DLGAP2: variants seen among roughly 807,000 people sequenced by gnomAD.
The protein encoded by DLGAP2 is disks large-associated protein 2.
A neutral mutation model predicts 100.3 loss-of-function variants in DLGAP2; 26 were observed. The observed-to-expected ratio is 0.26, with a 90% CI of 0.19 to 0.36. The LOEUF is 0.36. DLGAP2 is among the 10% of genes least tolerant of loss of function. DLGAP2 has a pLI of 1.00. For missense variants in DLGAP2, 1,858 were observed against 1,453.2 expected, an observed-to-expected ratio of 1.28 and a Z score of -4.53; for synonymous variants, 886 against 630.1, an observed-to-expected ratio of 1.41 and a Z score of -6.08.
chr8:842,488 C>A (rs943874396), intron 1 of DLGAP2, among the ~76,000 whole-genome samples: 2 of 152,192 alleles, frequency 1.3e-5, no homozygotes, highest in African/African-American at 4.8e-5. Context: ...GACTTTTACT[C>A]TCTTTATTGC....
intron 2 of DLGAP2, among the ~76,000 whole-genome samples, chr8:1,038,079 C>T (rs1040490741): frequency 2.6e-5 from 4 of 152,186 alleles, no homozygotes; most frequent in Non-Finnish European, 5.9e-5. Context: ...TCCTCGGATG[C>T]TGTAGGTAGG....
intron 3 of DLGAP2, among the ~76,000 whole-genome samples, chr8:1,278,931 C>A (rs1419499055): frequency 2.0e-5 from 3 of 152,082 alleles, no homozygotes; most frequent in African/African-American, 7.2e-5. Flanking sequence ...TTGTTGAACC[C>A]ATGATGGTAC....
intron 3 of DLGAP2, among the ~76,000 whole-genome samples, chr8:1,422,746 T>C (rs201806631): frequency 7.8e-6 from 1 of 128,242 alleles, no homozygotes; most frequent in African/African-American, 2.5e-5. Flanking sequence ...CAGCCAGGAT[T>C]GGGGGTGGGG....
chr8:1,324,103 T>G (rs546626007), intron 3 of DLGAP2, among the ~76,000 whole-genome samples: 5 of 152,282 alleles, frequency 3.3e-5, no homozygotes, highest in Admixed American at 6.5e-5. Flanking sequence ...CTTAGTGAAA[T>G]AAGAAGCGTC....
At chr8:1,119,377 G>A (rs777493351) in intron 2 of DLGAP2, among the ~76,000 whole-genome samples, 6 of 152,244 alleles carry the variant, frequency 3.9e-5, no homozygotes, top group Admixed American at 6.5e-5. Flanking sequence ...TTACATGGGA[G>A]GCTGACTGTG....
chr8:1,648,065 G>C lies in DLGAP2; in HGVS notation c.1810+15019G>C, dbSNP rs1260466798. On this transcript the variant is annotated intron_variant, in intron 8 of 14. Transcript: ENST00000637795. ...AGGCCTGTGGCGATAAGCCAGATGA[G>C]TTTAAATTAACCCGTGCGTGTACCG... is the stretch of plus-strand genomic sequence containing the variant. 3.3e-5 allele frequency among the ~76,000 whole-genome samples: 5 copies of C among 152,346 alleles called. No individual in the cohort carries two copies. The South Asian group carries it at 1.0e-3, about 32-fold the overall frequency.
intron 3 of DLGAP2, among the ~76,000 whole-genome samples, chr8:1,386,173 A>C (rs1314126076): frequency 6.6e-6 from 1 of 152,252 alleles, no homozygotes; most frequent in Admixed American, 6.5e-5. Context: ...AAAAACTCCA[A>C]CATATGATGA....
chr8:1,588,833 A>G (rs1026388756), intron 6 of DLGAP2, among the ~76,000 whole-genome samples: 2 of 151,890 alleles, frequency 1.3e-5, no homozygotes, highest in African/African-American at 4.8e-5. Context: ...GGAGCAGGAG[A>G]ATCCCTTGAC....
chr8:1,243,711 T>C (rs1209679434), intron 2 of DLGAP2, among the ~76,000 whole-genome samples: 1 of 152,166 alleles, frequency 6.6e-6, no homozygotes, highest in Non-Finnish European at 1.5e-5. Context: ...GCCTCAGTCA[T>C]GCCCTGATCC....
chr8:1,358,931 G>T (rs773170079), intron 3 of DLGAP2, among the ~76,000 whole-genome samples: 1 of 152,174 alleles, frequency 6.6e-6, no homozygotes, highest in Admixed American at 6.5e-5. Flanking sequence ...CAAAGGGAGA[G>T]AGTCTAGCTG....
Position 1,563,901 on chromosome 8 carries a change from G to C in DLGAP2, c.1231-1782G>C, listed in dbSNP as rs142424256. 4.2e-3 allele frequency among the ~76,000 whole-genome samples: 642 copies of C among 152,274 alleles called. 4 individuals carry two copies. The highest frequency in any genetic ancestry group is 5.8e-3 in the Non-Finnish European group (394 of 68,014). ...GCAGGTTCCTTTTCTGATGATATAA[G>C]TAGTATACCTCAGTAGCTAAGTATT... On this transcript the variant is annotated intron_variant, in intron 5 of 14. Coordinates refer to ENST00000637795, the MANE Select transcript of DLGAP2 (RefSeq NM_001346810.2).
At chr8:1,310,480 A>G (rs1252008504) in intron 3 of DLGAP2, among the ~76,000 whole-genome samples, 1 of 152,212 alleles carries the variant, frequency 6.6e-6, no homozygotes, top group African/African-American at 2.4e-5. Flanking sequence ...CAGAAGATTA[A>G]TAAACATGGG....
intron 1 of DLGAP2, among the ~76,000 whole-genome samples, chr8:747,099 G>A (rs897386753): frequency 2.0e-5 from 3 of 151,944 alleles, no homozygotes; most frequent in African/African-American, 7.3e-5. Flanking sequence ...TTCTCGGGGG[G>A]CTGGGGAGAG....
intron 2 of DLGAP2, among the ~76,000 whole-genome samples, chr8:945,717 T>G (rs1270877874): frequency 6.6e-6 from 1 of 152,182 alleles, no homozygotes; most frequent in Non-Finnish European, 1.5e-5. Context: ...ATTGGGAACA[T>G]TTACAGGGAA....
chr8:744,810 T>C (rs910478500), intron 1 of DLGAP2, among the ~76,000 whole-genome samples: 3 of 152,220 alleles, frequency 2.0e-5, no homozygotes, highest in Non-Finnish European at 4.4e-5. Flanking sequence ...CGTCCTTTCC[T>C]CATGTCTGTT....
chr8:1,072,203 C>A (rs966286151), intron 2 of DLGAP2, among the ~76,000 whole-genome samples: 1 of 152,166 alleles, frequency 6.6e-6, no homozygotes, highest in South Asian at 2.1e-4. Context: ...CCCCCAGGGA[C>A]TGTGAGGGGA....
At chr8:1,303,203 C>G (rs1472646304) in intron 3 of DLGAP2, among the ~76,000 whole-genome samples, 4 of 152,166 alleles carry the variant, frequency 2.6e-5, no homozygotes, top group Non-Finnish European at 5.9e-5. Context: ...CAAGACCATC[C>G]TGGCTAACAC....
intron 1 of DLGAP2, among the ~76,000 whole-genome samples, chr8:830,184 T>C (rs1397451394): frequency 1.3e-5 from 2 of 152,196 alleles, no homozygotes; most frequent in South Asian, 4.1e-4. Flanking sequence ...GGGTACATAG[T>C]AGATGTATAT....
At chr8:1,009,386 C>G in intron 2 of DLGAP2, among the ~76,000 whole-genome samples, 1 of 152,164 alleles carries the variant, frequency 6.6e-6, no homozygotes, top group East Asian at 1.9e-4. Context: ...CTAAGGAACA[C>G]ATAATAGATT....
Sources: allele counts gnomAD v4.1 joint callset (sites outside exome capture counted in the v4.1 genomes callset), GRCh38; gene constraint gnomAD v4.1.1; transcripts MANE v1.5; gene names NCBI Gene and HGNC (gene_info 2026-07-23, HGNC 2026-07-21).